Variants in ERVFRD-1 observed in about 807,000 individuals in gnomAD.
ERVFRD-1 encodes syncytin-2.
A neutral mutation model predicts 43.8 loss-of-function variants in ERVFRD-1; 33 were observed. The observed-to-expected ratio is 0.75, with a 90% CI of 0.57 to 1.01. The LOEUF is 1.01. Ranked by LOEUF, ERVFRD-1 falls within the 50% of genes least tolerant of loss-of-function variation. The pLI is 0.00. For synonymous variants in ERVFRD-1, 239 were observed against 244.4 expected, an observed-to-expected ratio of 0.98 and a Z score of 0.21; for missense variants, 568 against 658.4, an observed-to-expected ratio of 0.86 and a Z score of 1.50.
rs1758013313 is a variant in ERVFRD-1 at position 11,102,720 on chromosome 6, G to A, written c.*974C>T. 6.6e-6 allele frequency: 1 copy of A among 152,202 alleles called. No individual in the cohort carries two copies. The highest frequency in any genetic ancestry group is 1.5e-5 in the Non-Finnish European group (1 of 68,020). The allele number at this position is 152,202 out of a possible 1,614,324, so 9.4% of individuals were successfully genotyped here. A position where few individuals can be genotyped will look rare whatever the true frequency, so the allele number is the denominator to read the frequency against. On this transcript the variant is annotated 3_prime_UTR_variant, in exon 2 of 2. Transcript: ENST00000472091. ...GCTGTTTACACTGAGTCGGGTGTTA[G>A]TTTGCTTGGTGCTGGAACCTAAATG... is the stretch of plus-strand genomic sequence containing the variant.
chr6:11,103,849 C>T lies in ERVFRD-1; in HGVS notation c.1462G>A (p.Gly488Ser), dbSNP rs1017166559. ...AAAAGTAGGAGACTAACAAGTGGGCCTGTAAGGGGAAGAACCCAAGAGAAC... is the reference window on the plus strand; with the variant it reads ...AAAAGTAGGAGACTAACAAGTGGGCTTGTAAGGGGAAGAACCCAAGAGAAC... Reference protein sequence around the residue: ...KWFSWVLPLTGPLVSLLLLLL... With the variant: ...KWFSWVLPLTSPLVSLLLLLL... The change falls in exon 2 of 2, where the codon GGC (glycine) becomes AGC (serine). Residue 488 changes from glycine to serine, a missense_variant. Gly to Ser is a moderately conservative substitution (Grantham distance 56, BLOSUM62 0). Transcript: ENST00000472091. The T allele has an allele frequency of 1.9e-6, 3 of 1,551,542 alleles. No individual in the cohort carries two copies. The highest frequency in any genetic ancestry group is 2.7e-5 in the African/African-American group (2 of 73,034).
Position 11,104,964 on chromosome 6 carries a change from T to C in ERVFRD-1, c.347A>G (p.Asn116Ser). 1.9e-6 allele frequency: 3 copies of C among 1,614,232 alleles called. No individual in the cohort carries two copies. The highest frequency in any genetic ancestry group is 1.3e-5 in the African/African-American group (1 of 75,062). ...KPPIFGPIFT[N>S]INLMGIAPIC... ...AGGGGCTATTCCCATTAGGTTGATA[T>C]TAGTAAAGATGGGTCCGAAAATGGG... The change falls in exon 2 of 2, where the codon AAT becomes AGT. Residue 116 changes from asparagine to serine, a missense_variant. Transcript: ENST00000472091.
Position 11,104,605 on chromosome 6 carries a change from A to C in ERVFRD-1, c.706T>G (p.Ser236Ala). ...TTGGTTTTATTTTCCCAAAAAAGAG[A>C]ATTTCGAGTTTGGTCCAATAGAACC... ...EWVLLDQTRN[S>A]LFWENKTKGA... is the part of the protein sequence containing the mutation. Residue 236 changes from serine (S) to alanine (A), a missense_variant, in exon 2 of 2, where the codon TCT becomes GCT. Physicochemically the swap from Ser to Ala is moderately conservative, Grantham distance 99. Coordinates refer to ENST00000472091, the MANE Select transcript of ERVFRD-1 (RefSeq NM_207582.3). 6.2e-7 allele frequency: 1 copy of C among 1,613,966 alleles called. No individual in the cohort carries two copies. Among genetic ancestry groups the C allele is most frequent in the Non-Finnish European group, 8.5e-7 (1 of 1,180,012 alleles).
In ERVFRD-1 at chr6:11,104,554, A is replaced by G. The variant is rs759075554; in HGVS notation, c.757T>C (p.Cys253Arg). ...TKGANQSQTP[C>R]VQVLAGMTIA... ...GTCATGCCTGCTAAGACTTGGACGC[A>G]GGGTGTTTGGCTCTGGTTAGCTCCC... is the stretch of plus-strand genomic sequence containing the variant. Residue 253 changes from cysteine (C) to arginine (R), a missense_variant, in exon 2 of 2, where the codon TGC becomes CGC. Transcript: ENST00000472091. 1.9e-6 allele frequency: 3 copies of G among 1,599,604 alleles called. No individual in the cohort carries two copies. Among genetic ancestry groups the G allele is most frequent in the African/African-American group, 1.3e-5 (1 of 74,808 alleles).
intron 1 of ERVFRD-1, among the ~76,000 whole-genome samples, chr6:11,110,550 T>C (rs753004725): frequency 3.9e-5 from 6 of 152,156 alleles, no homozygotes; most frequent in Non-Finnish European, 8.8e-5. Context: ...TGATACATAT[T>C]GAGAAGGGCC....
chr6:11,110,064 C>G (rs1758145456), intron 1 of ERVFRD-1, among the ~76,000 whole-genome samples: 1 of 152,104 alleles, frequency 6.6e-6, no homozygotes, highest in Non-Finnish European at 1.5e-5. Flanking sequence ...TTTATTGAGG[C>G]ACAATTACCC....
In ERVFRD-1 at chr6:11,102,857, A is replaced by G. The variant is rs1249518363; in HGVS notation, c.*837T>C. ...GAGGCGTAAGGTAGCATGATAGTCCAAGGCAAGTTTTATAGCAGGAGTAAA... is the reference window on the plus strand; with the variant it reads ...GAGGCGTAAGGTAGCATGATAGTCCGAGGCAAGTTTTATAGCAGGAGTAAA... On this transcript the variant is annotated 3_prime_UTR_variant, in exon 2 of 2. Transcript: ENST00000472091. 2 of 152,192 alleles carry G rather than the reference A, an allele frequency of 1.3e-5. No individual in the cohort carries two copies. Among genetic ancestry groups the G allele is most frequent in the Non-Finnish European group, 2.9e-5 (2 of 68,032 alleles). The allele number at this position is 152,192 out of a possible 1,614,324, so 9.4% of individuals were successfully genotyped here.
chr6:11,111,156 A>G (rs1408556660), intron 1 of ERVFRD-1, among the ~76,000 whole-genome samples: 1 of 152,214 alleles, frequency 6.6e-6, no homozygotes, highest in Non-Finnish European at 1.5e-5. Context: ...CCAGGCTAAC[A>G]CAGCAAGAGC....
Position 11,103,664 on chromosome 6 carries a change from T to C in ERVFRD-1, c.*30A>G, listed in dbSNP as rs899576329. 3 of 1,515,944 alleles carry C rather than the reference T, an allele frequency of 2.0e-6. No homozygotes were observed. Among genetic ancestry groups the C allele is most frequent in the Middle Eastern group, 1.7e-4 (1 of 5,788 alleles). The allele number at this position is 1,515,944 out of a possible 1,614,324, so 93.9% of individuals were successfully genotyped here. A position where few individuals can be genotyped will look rare whatever the true frequency, so the allele number is the denominator to read the frequency against. On this transcript the variant is annotated 3_prime_UTR_variant, in exon 2 of 2. Coordinates refer to ENST00000472091, the MANE Select transcript of ERVFRD-1 (RefSeq NM_207582.3). The stretch of plus-strand genomic sequence containing the variant: ...GGGGCAGGATTTCGCCTCTGTCGTG[T>C]TCCACTAGCGAGCAGTCTAGGGGTC...
At position 11,104,001 on chromosome 6, in the gene ERVFRD-1, T is replaced by C. The variant is rs1469522743; in HGVS notation, c.1310A>G (p.Lys437Arg). The stretch of plus-strand genomic sequence containing the variant: ...TGATTGATTTACCCAAAAGCAACAT[T>C]TTTCATCTAAGGCCAAACAAATTCC... Reference protein sequence around the residue: ...QGGICLALDEKCCFWVNQSGK... With the variant: ...QGGICLALDERCCFWVNQSGK... The change falls in exon 2 of 2, where the codon AAA becomes AGA. Residue 437 changes from lysine to arginine, a missense_variant. Coordinates refer to ENST00000472091, the MANE Select transcript of ERVFRD-1 (RefSeq NM_207582.3). 2.6e-6 allele frequency: 4 copies of C among 1,551,552 alleles called. No individual in the cohort carries two copies. The Admixed American group carries it at 7.8e-5, about 30-fold the overall frequency.
chr6:11,104,441 T>A lies in ERVFRD-1; in HGVS notation c.870A>T (p.Thr290=), dbSNP rs184878901. The A allele has an allele frequency of 4.5e-6, 7 of 1,551,698 alleles. No individual in the cohort carries two copies. The African/African-American group carries it at 9.6e-5, about 21-fold the overall frequency. Residue 290 remains threonine (T), a synonymous_variant, in exon 2 of 2, where the codon ACA becomes ACT. Transcript: ENST00000472091. ...LTPLFHFHIS[T]CLKTQGAFYI... ...AAAAGGCTCCTTGAGTTTTAAGGCA[T>A]GTAGAGATATGGAAATGAAATAAGG...
Position 11,105,491 on chromosome 6 carries a change from G to A in ERVFRD-1, c.-181C>T. On this transcript the variant is annotated 5_prime_UTR_variant, in exon 2 of 2. Coordinates refer to ENST00000472091, the MANE Select transcript of ERVFRD-1 (RefSeq NM_207582.3). Reference sequence around the variant, plus strand: ...GGCATTACTTATCTTTTTGTTTAAAGAGGAATTTTAGATCTTCCAGTGCCT... The same window carrying A: ...GGCATTACTTATCTTTTTGTTTAAAAAGGAATTTTAGATCTTCCAGTGCCT... 1 of 590,684 alleles carries A rather than the reference G, an allele frequency of 1.7e-6. No individual in the cohort carries two copies. Among genetic ancestry groups the A allele is most frequent in the Non-Finnish European group, 3.1e-6 (1 of 327,042 alleles). 36.6% of individuals were successfully genotyped at this position (590,684 alleles called of 1,614,324 possible). A position where few individuals can be genotyped will look rare whatever the true frequency, so the allele number is the denominator to read the frequency against.
Position 11,103,494 on chromosome 6 carries a change from G to T in ERVFRD-1, c.*200C>A. On this transcript the variant is annotated 3_prime_UTR_variant, in exon 2 of 2. Transcript: ENST00000472091. Reference sequence around the variant, plus strand: ...CAAGACCCAATTATCTGGGAAAATGGACGAAGGTCAGTCTTCTTTAACTGC... The same window carrying T: ...CAAGACCCAATTATCTGGGAAAATGTACGAAGGTCAGTCTTCTTTAACTGC... The T allele has an allele frequency of 4.1e-6, 3 of 726,450 alleles. No homozygotes were observed. The highest frequency in any genetic ancestry group is 6.2e-6 in the Non-Finnish European group (3 of 483,754). 45.0% of individuals were successfully genotyped at this position (726,450 alleles called of 1,614,324 possible). A position where few individuals can be genotyped will look rare whatever the true frequency, so the allele number is the denominator to read the frequency against.
intron 1 of ERVFRD-1, among the ~76,000 whole-genome samples, chr6:11,109,437 G>A (rs189093349): frequency 8.5e-5 from 13 of 152,218 alleles, no homozygotes; most frequent in African/African-American, 2.9e-4. Context: ...GGGAGACTTC[G>A]ATATAATTGG....
rs1316190951 is a variant in ERVFRD-1 at position 11,102,622 on chromosome 6, A to G, written c.*1072T>C. On this transcript the variant is annotated 3_prime_UTR_variant, in exon 2 of 2. Transcript: ENST00000472091. ...AGGTTCCCACAGAAGCAAGACAAAG[A>G]AAATACTTGGTTAAAGTTGAAAGGA... is the stretch of plus-strand genomic sequence containing the variant. 1 of 152,242 alleles carries G rather than the reference A, an allele frequency of 6.6e-6. No individual in the cohort carries two copies. The highest frequency in any genetic ancestry group is 2.4e-5 in the African/African-American group (1 of 41,458). The allele number at this position is 152,242 out of a possible 1,614,324, so 9.4% of individuals were successfully genotyped here.
intron 1 of ERVFRD-1, among the ~76,000 whole-genome samples, chr6:11,107,582 T>C (rs1240263924): frequency 1.3e-5 from 2 of 152,028 alleles, no homozygotes; most frequent in East Asian, 3.9e-4. Flanking sequence ...CAAATGCAAA[T>C]AGAAATTGGG....
intron 1 of ERVFRD-1, among the ~76,000 whole-genome samples, chr6:11,110,824 A>C (rs190288536): frequency 6.6e-6 from 1 of 152,356 alleles, no homozygotes; most frequent in Non-Finnish European, 1.5e-5. Flanking sequence ...AAGACCCTGC[A>C]AACGGCAGAG....
Position 11,104,775 on chromosome 6 carries a change from G to A in ERVFRD-1, c.536C>T (p.Thr179Ile), listed in dbSNP as rs1758058405. 1 of 1,614,110 alleles carries A rather than the reference G, an allele frequency of 6.2e-7. No individual in the cohort carries two copies. Among genetic ancestry groups the A allele is most frequent in the South Asian group, 1.1e-5 (1 of 91,094 alleles). Reference protein sequence around the residue: ...QPRFPKPPNITFPQGTLLDKS... With the variant: ...QPRFPKPPNIIFPQGTLLDKS... ...ATCTAGCAAAGTTCCCTGAGGAAAA[G>A]TAATATTTGGAGGTTTGGGGAATCT... Residue 179 changes from threonine to isoleucine, a missense_variant, in exon 2 of 2, where the codon ACT becomes ATT. By Grantham distance (89) the Thr-to-Ile change is moderately conservative. Transcript: ENST00000472091.
In ERVFRD-1 at chr6:11,111,190, G is replaced by A. The variant is rs140459925; in HGVS notation, c.-321+487C>T. Among the ~76,000 whole-genome samples, 894 of 152,270 alleles carry A rather than the reference G, an allele frequency of 5.9e-3. 3 individuals are homozygous for A. Among genetic ancestry groups the A allele is most frequent in the South Asian group, 0.024 (115 of 4,814 alleles). ...GCTGCGGGTGCATGAATAACAAATA[G>A]GGAATGTGTGTTTAAGGCAGAGAAG... On this transcript the variant is annotated intron_variant, in intron 1 of 1. Coordinates refer to ENST00000472091, the MANE Select transcript of ERVFRD-1 (RefSeq NM_207582.3).
Sources: gnomAD v4.1 joint callset for allele counts (sites outside exome capture counted in the v4.1 genomes callset) on GRCh38, gnomAD v4.1.1 for gene constraint, MANE v1.5 for transcripts, NCBI Gene and HGNC (gene_info 2026-07-23, HGNC 2026-07-21) for gene names.